Variants in FHIT observed in about 807,000 individuals in gnomAD.
The protein encoded by FHIT is bis(5'-adenosyl)-triphosphatase.
Under a neutral mutation model 17.9 loss-of-function variants are expected in FHIT, and 19 were observed. The ratio of observed to expected loss-of-function variants is 1.06; its 90% CI spans 0.74 to 1.56. The LOEUF is 1.56. FHIT is among the 40% of genes most tolerant of loss of function. The pLI is 0.00. For synonymous variants in FHIT, 81 were observed against 69.7 expected, an observed-to-expected ratio of 1.16 and a Z score of -0.81; for missense variants, 248 against 189.2, an observed-to-expected ratio of 1.31 and a Z score of -1.82.
chr3:60,484,156 C>A (rs562633054), intron 5 of FHIT, among the ~76,000 whole-genome samples: 4 of 152,202 alleles, frequency 2.6e-5, no homozygotes, highest in African/African-American at 9.6e-5. Context: ...AACTACAAAC[C>A]ACTGCTCAAG....
Position 60,201,542 on chromosome 3 carries a change from C to A in FHIT, c.104-187390G>T, listed in dbSNP as rs562986261. Among the ~76,000 whole-genome samples, 22 of 152,032 alleles carry A rather than the reference C, an allele frequency of 1.4e-4. 2 individuals carry two copies. The East Asian group carries it at 3.7e-3, about 25-fold the overall frequency. ...ATCATTTAACAACCACCCTACCCCC[C>A]AAAAAACCCTTTCTCTCTGCAAAAT... On this transcript the variant is annotated intron_variant, in intron 5 of 9. Coordinates refer to ENST00000492590, the MANE Select transcript of FHIT (RefSeq NM_002012.4).
chr3:61,061,500 A>ATTTTAATTAAATTTAAATTAAAATTTG (rs1559951017), intron 2 of FHIT, among the ~76,000 whole-genome samples: 1 of 151,652 alleles, frequency 6.6e-6, no homozygotes, highest in African/African-American at 2.4e-5. Flanking sequence ...TATTTTATTT[A>ATTTTAATTAAATTTAAATTAAAATTTG]TTTTAATTAA....
chr3:60,758,191 G>C (rs1297112740), intron 4 of FHIT, among the ~76,000 whole-genome samples: 1 of 152,188 alleles, frequency 6.6e-6, no homozygotes, highest in Non-Finnish European at 1.5e-5. Context: ...CTGTCACACA[G>C]CTCTCCCTCA....
intron 5 of FHIT, among the ~76,000 whole-genome samples, chr3:60,035,771 A>G (rs916265949): frequency 1.3e-5 from 2 of 152,200 alleles, no homozygotes; most frequent in Non-Finnish European, 2.9e-5. Context: ...TCCAACCAAA[A>G]TTAACTTTTT....
chr3:60,077,155 A>C (rs1703045319), intron 5 of FHIT, among the ~76,000 whole-genome samples: 1 of 152,096 alleles, frequency 6.6e-6, no homozygotes, highest in African/African-American at 2.4e-5. Flanking sequence ...TCTGAAGTAT[A>C]TTTCAGGCAG....
chr3:61,246,697 G>C (rs146372338), intron 1 of FHIT, among the ~76,000 whole-genome samples: 108 of 152,036 alleles, frequency 7.1e-4, no homozygotes, highest in African/African-American at 2.5e-3. Flanking sequence ...GCCTGTTGTG[G>C]GGTAGAGGGG....
At chr3:59,786,987 A>C (rs1175396541) in intron 8 of FHIT, among the ~76,000 whole-genome samples, 5 of 151,694 alleles carry the variant, frequency 3.3e-5, no homozygotes, top group African/African-American at 7.3e-5. Flanking sequence ...GATTCAGTGC[A>C]CCCCTACCCC....
At chr3:60,936,809 G>A (rs2107393185) in intron 3 of FHIT, among the ~76,000 whole-genome samples, 1 of 151,926 alleles carries the variant, frequency 6.6e-6, no homozygotes, top group Admixed American at 6.6e-5. Context: ...GAACTCAAAG[G>A]GAAAAGAGGA....
At position 59,992,137 on chromosome 3, in the gene FHIT, T is replaced by C. The variant is rs79406655; in HGVS notation, c.279+19234A>G. On this transcript the variant is annotated intron_variant, in intron 7 of 9. Coordinates refer to ENST00000492590, the MANE Select transcript of FHIT (RefSeq NM_002012.4). Reference sequence around the variant, plus strand: ...CAGTATTGGATAAGAATATAGAACATGAAGCCCAGAGCCCAAGACTCTTTC... The same window carrying C: ...CAGTATTGGATAAGAATATAGAACACGAAGCCCAGAGCCCAAGACTCTTTC... 5.3e-4 allele frequency among the ~76,000 whole-genome samples: 80 copies of C among 151,922 alleles called. No homozygotes were observed. The East Asian group carries it at 0.012, about 23-fold the overall frequency.
intron 5 of FHIT, among the ~76,000 whole-genome samples, chr3:60,535,653 G>A (rs186142691): frequency 6.6e-6 from 1 of 151,562 alleles, no homozygotes; most frequent in Non-Finnish European, 1.5e-5. Flanking sequence ...TAAAAGAAGA[G>A]TTTTAAATAT....
chr3:60,079,154 T>C (rs1239055740), intron 5 of FHIT, among the ~76,000 whole-genome samples: 1 of 152,106 alleles, frequency 6.6e-6, no homozygotes, highest in Non-Finnish European at 1.5e-5. Context: ...TAAGTATAGC[T>C]TGTTTTTGGT....
chr3:59,820,930 G>C (rs576537198), intron 8 of FHIT, among the ~76,000 whole-genome samples: 5 of 152,288 alleles, frequency 3.3e-5, no homozygotes, highest in African/African-American at 1.2e-4. Flanking sequence ...TGGAGGCTTG[G>C]GTGATTGTCA....
At chr3:60,124,044 A>AGG (rs1705419483) in intron 5 of FHIT, among the ~76,000 whole-genome samples, 1 of 121,598 alleles carries the variant, frequency 8.2e-6, no homozygotes, top group Non-Finnish European at 1.8e-5. Context: ...AGAGAGAGAG[A>AGG]GAGAGAGAGA....
chr3:60,326,501 C>T (rs1200801642), intron 5 of FHIT, among the ~76,000 whole-genome samples: 3 of 152,112 alleles, frequency 2.0e-5, no homozygotes, highest in Admixed American at 2.0e-4. Flanking sequence ...GATGGGGGAG[C>T]GGCTGTAAAG....
At chr3:60,407,564 G>C (rs551757961) in intron 5 of FHIT, among the ~76,000 whole-genome samples, 1 of 152,144 alleles carries the variant, frequency 6.6e-6, no homozygotes, top group East Asian at 1.9e-4. Context: ...GCCCAAGCTG[G>C]AGTGCAGTGG....
At chr3:61,079,674 GCA>G (rs368805749) in intron 2 of FHIT, among the ~76,000 whole-genome samples, 5 of 151,998 alleles carry the variant, frequency 3.3e-5, no homozygotes, top group African/African-American at 1.2e-4. Context: ...ACATGCGTGT[GCA>G]CACACACACA....
intron 5 of FHIT, among the ~76,000 whole-genome samples, chr3:60,461,568 C>A (rs17063191): frequency 6.6e-6 from 1 of 152,202 alleles, no homozygotes; most frequent in Admixed American, 6.5e-5. Flanking sequence ...TTCTCTCCAA[C>A]GCTGTACAGA....
chr3:60,346,321 A>T (rs1272277319), intron 5 of FHIT, among the ~76,000 whole-genome samples: 1 of 152,228 alleles, frequency 6.6e-6, no homozygotes, highest in African/African-American at 2.4e-5. Flanking sequence ...TTCTGTTTTC[A>T]CTGATCTGAA....
chr3:59,925,146 C>T (rs914989034), intron 7 of FHIT, among the ~76,000 whole-genome samples: 2 of 151,690 alleles, frequency 1.3e-5, no homozygotes, highest in South Asian at 2.1e-4. Flanking sequence ...CTCTGTCACC[C>T]AGGTTGGAGT....
Sources: allele counts gnomAD v4.1 joint callset (sites outside exome capture counted in the v4.1 genomes callset), GRCh38; gene constraint gnomAD v4.1.1; transcripts MANE v1.5; gene names NCBI Gene and HGNC (gene_info 2026-07-23, HGNC 2026-07-21).